The following PLEKHG5 variants were observed in gnomAD, a reference collection of about 807,000 sequenced individuals.
PLEKHG5 encodes the protein pleckstrin homology domain-containing family G member 5.
PLEKHG5 carries 52 observed loss-of-function variants against 103.8 expected under a neutral mutation model. That is an observed-to-expected ratio of 0.50 (90% CI 0.40 to 0.63). The LOEUF is 0.63. Ranked by LOEUF, PLEKHG5 falls within the 30% of genes least tolerant of loss-of-function variation. The pLI, the probability that PLEKHG5 is intolerant of heterozygous loss-of-function variation, is 0.00. For missense variants in PLEKHG5, 1,205 were observed against 1,347.6 expected (o/e 0.89, Z 1.66); for synonymous variants, 592 against 575.5 (o/e 1.03, Z -0.41).
chr1:6,516,774 T>C (rs1638627277), intron 1 of PLEKHG5, among the ~76,000 whole-genome samples: 1 of 130,394 alleles, frequency 7.7e-6, no homozygotes, highest in African/African-American at 2.9e-5. Flanking sequence ...TGTGTATATA[T>C]ATGTGTGTGT....
In PLEKHG5 at chr1:6,477,383, T is replaced by C; in HGVS notation, c.43+146A>G. ...GGACTTTCTCTCTTGCTAAAAAACA[T>C]TTGGAACAAAAGGAACCGTAACATA... is the stretch of plus-strand genomic sequence containing the variant. On this transcript the variant is annotated intron_variant, in intron 2 of 20. Coordinates refer to ENST00000377728, the MANE Select transcript of PLEKHG5 (RefSeq NM_020631.6). 3.4e-6 allele frequency: 3 copies of C among 872,926 alleles called. No individual in the cohort carries two copies. The South Asian group carries it at 4.5e-5, about 13-fold the overall frequency. The allele number at this position is 872,926 out of a possible 1,614,324, so 54.1% of individuals were successfully genotyped here.
rs1319209194 is a variant in PLEKHG5, at chr1:6,470,360, G to A, written c.1681-5C>T. 1.2e-6 allele frequency: 2 copies of A among 1,613,884 alleles called. No individual in the cohort carries two copies. Among genetic ancestry groups the A allele is most frequent in the East Asian group, 2.2e-5 (1 of 44,890 alleles). On this transcript the variant is annotated splice_polypyrimidine_tract_variant and splice_region_variant and intron_variant, in intron 15 of 20. Coordinates refer to ENST00000377728, the MANE Select transcript of PLEKHG5 (RefSeq NM_020631.6). ...GTGCAGAAATTCCTTCAGGAGCTGG[G>A]GACGGATGGCGTGAACGTAGGGGAG...
intron 1 of PLEKHG5, among the ~76,000 whole-genome samples, chr1:6,484,720 C>T (rs918135062): frequency 4.6e-5 from 7 of 152,284 alleles, no homozygotes; most frequent in Non-Finnish European, 7.4e-5. Flanking sequence ...TGCCTGCCCA[C>T]CATGTCCTGC....
rs1430911880 is a variant in PLEKHG5 at position 6,474,463 on chromosome 1, G to A, written c.427C>T (p.Leu143Phe). The A allele has an allele frequency of 1.2e-6, 2 of 1,613,912 alleles. No homozygotes were observed. Among genetic ancestry groups the A allele is most frequent in the Non-Finnish European group, 1.7e-6 (2 of 1,180,014 alleles). ...GGCTGCTTCTCACCTTTGACACGAAGGTAGTGTCCCCCGAACCTGTAGGCC... is the reference window on the plus strand; with the variant it reads ...GGCTGCTTCTCACCTTTGACACGAAAGTAGTGTCCCCCGAACCTGTAGGCC... The part of the protein sequence containing the change: ...FEAYRFGGHY[L>F]RVKAPAKPGD... Residue 143 changes from leucine to phenylalanine, a missense_variant, in exon 6 of 21, where the codon CTT becomes TTT. Coordinates refer to ENST00000377728, the MANE Select transcript of PLEKHG5 (RefSeq NM_020631.6).
chr1:6,506,449 C>T (rs1042175584), intron 1 of PLEKHG5, among the ~76,000 whole-genome samples: 19 of 152,232 alleles, frequency 1.2e-4, no homozygotes, highest in Non-Finnish European at 2.6e-4. Flanking sequence ...ACCGAGGAGA[C>T]GGGCTGGCCG....
chr1:6,477,510 G>A lies in PLEKHG5; in HGVS notation c.43+19C>T, dbSNP rs202243445. ...ACAGGAGCTCTGGGGGCCGAGCTGC[G>A]GCTCCCGCCTGTGCTCACCTTGTGG... On this transcript the variant is annotated intron_variant, in intron 2 of 20. Coordinates refer to ENST00000377728, the MANE Select transcript of PLEKHG5 (RefSeq NM_020631.6). The A allele has an allele frequency of 4.4e-6, 7 of 1,600,790 alleles. No individual in the cohort carries two copies. The highest frequency in any genetic ancestry group is 2.2e-5 in the South Asian group (2 of 90,984).
intron 9 of PLEKHG5, 75 bp downstream of exon 9, chr1:6,472,911 T>C: frequency 1.4e-6 from 2 of 1,411,436 alleles, no homozygotes. Context: ...CCATGGAACA[T>C]CTGATCACTG....
At chr1:6,488,250 G>A (rs1645077497) in intron 1 of PLEKHG5, among the ~76,000 whole-genome samples, 1 of 152,218 alleles carries the variant, frequency 6.6e-6, no homozygotes, top group Non-Finnish European at 1.5e-5. Flanking sequence ...AGGAGATACT[G>A]TTACAATCCC....
intron 1 of PLEKHG5, among the ~76,000 whole-genome samples, chr1:6,512,542 G>A (rs1638505752): frequency 6.6e-6 from 1 of 152,212 alleles, no homozygotes. Flanking sequence ...TCACTGCCCA[G>A]CATCTGGCCG....
chr1:6,470,627 CGCTCCACGGAGCCGATCTAGGG>C lies in PLEKHG5; in HGVS notation c.1543-6_1558del. ...GCACGCGTTCACGTGGTGGATGAAG[CGCTCCACGGAGCCGATCTAGGG>C]GCAGGTGAGGGAGCTTCAGGTCCAG... On this transcript the variant is annotated splice_acceptor_variant and splice_polypyrimidine_tract_variant and coding_sequence_variant and intron_variant, in exon 15 of 21. Coordinates refer to ENST00000377728, the MANE Select transcript of PLEKHG5 (RefSeq NM_020631.6). LOFTEE classifies it high-confidence loss of function. 1 of 1,582,638 alleles carries C rather than the reference CGCTCCACGGAGCCGATCTAGGG, an allele frequency of 6.3e-7. No individual in the cohort carries two copies. Among genetic ancestry groups the C allele is most frequent in the Non-Finnish European group, 8.5e-7 (1 of 1,170,098 alleles).
chr1:6,490,475 T>G lies in PLEKHG5; in HGVS notation c.-88+1162A>C, dbSNP rs1281054329. On this transcript the variant is annotated intron_variant, in intron 1 of 20. Transcript: ENST00000377728. The surrounding 1 kb of genome is among the most constrained non-coding windows in gnomAD (Gnocchi z 8.0). ...AACAGGACCAGGGTCTCCTCCCCGG[T>G]GTCTAAGGCTCTAAGGCTCGGGCCG... 11 of 967,118 alleles carry G rather than the reference T, an allele frequency of 1.1e-5. No homozygotes were observed. Among genetic ancestry groups the G allele is most frequent in the Non-Finnish European group, 1.2e-5 (10 of 828,712 alleles). 59.9% of individuals were successfully genotyped at this position (967,118 alleles called of 1,614,324 possible).
intron 8 of PLEKHG5, 26 bp downstream of exon 8, chr1:6,473,225 G>C (rs1168822219): frequency 6.2e-7 from 1 of 1,612,448 alleles, no homozygotes; most frequent in African/African-American, 1.3e-5. Flanking sequence ...CCAGCTGCCT[G>C]ACCCTGGGCA....
At position 6,505,382 on chromosome 1, in the gene PLEKHG5, C is replaced by T. The variant is rs1263333497; in HGVS notation, c.-164-8813G>A. On this transcript the variant is annotated intron_variant, in intron 1 of 21. Transcript: ENST00000377740. This position sits in a 1 kb window ranked among gnomAD's most constrained non-coding sequence, Gnocchi z 4.2. ...CACAGGTGCGCCCTGCCTCTGCCACCGCTGTTTGAAGCTCCCTGTGTGTCA... is the reference window on the plus strand; with the variant it reads ...CACAGGTGCGCCCTGCCTCTGCCACTGCTGTTTGAAGCTCCCTGTGTGTCA... Among the ~76,000 whole-genome samples the T allele has an allele frequency of 5.9e-5, 9 of 152,104 alleles. 1 individual carries two copies. In the South Asian group the frequency reaches 1.0e-3, roughly 17 times the overall value.
chr1:6,497,631 G>C (rs1025225642), upstream of PLEKHG5, among the ~76,000 whole-genome samples: 1 of 152,098 alleles, frequency 6.6e-6, no homozygotes, highest in Non-Finnish European at 1.5e-5. This position sits in a 1 kb window ranked among gnomAD's most constrained non-coding sequence, Gnocchi z 6.1. Flanking sequence ...AAGCGCGCAC[G>C]GCTCTGTCCT....
In PLEKHG5 at chr1:6,505,076, G is replaced by A. The variant is rs529643383; in HGVS notation, c.-164-8507C>T. On this transcript the variant is annotated intron_variant, in intron 1 of 21. Transcript: ENST00000377740. This position sits in a 1 kb window ranked among gnomAD's most constrained non-coding sequence, Gnocchi z 4.2. ...CTGGGGGAGGCCAGCTCCTGGGCCC[G>A]AGGATGAGGCTAATGGAGAAGAGAA... 1.8e-4 allele frequency among the ~76,000 whole-genome samples: 28 copies of A among 152,278 alleles called. No homozygotes were observed. The highest frequency in any genetic ancestry group is 3.3e-4 in the Admixed American group (5 of 15,298).
At chr1:6,496,505 C>T (rs375989109), upstream of PLEKHG5, 48 of 1,603,604 alleles carry the variant, frequency 3.0e-5, no homozygotes, top group Middle Eastern at 2.2e-4. Context: ...TGGCCGCCCG[C>T]CCCTTGTCCA....
chr1:6,496,629 C>G (rs769673103), upstream of PLEKHG5: 1 of 1,283,672 alleles, frequency 7.8e-7, no homozygotes, highest in Non-Finnish European at 1.1e-6. Flanking sequence ...CTGGGCCCCA[C>G]TGGCCTCCCA....
At chr1:6,515,396 G>A (rs1267597672) in intron 1 of PLEKHG5, among the ~76,000 whole-genome samples, 3 of 151,928 alleles carry the variant, frequency 2.0e-5, no homozygotes, top group Non-Finnish European at 4.4e-5. Flanking sequence ...GTGTGGTGGC[G>A]GGCGCCTGTA....
chr1:6,506,963 C>T (rs920152315), intron 1 of PLEKHG5, among the ~76,000 whole-genome samples: 1 of 152,236 alleles, frequency 6.6e-6, no homozygotes, highest in African/African-American at 2.4e-5. Flanking sequence ...CTCATTGCTC[C>T]CGAGCGGCGG....
Sources: allele counts gnomAD v4.1 joint callset (sites outside exome capture counted in the v4.1 genomes callset), GRCh38; gene constraint gnomAD v4.1.1; non-coding constraint Gnocchi (gnomAD v3.1); transcripts MANE v1.5; gene names NCBI Gene and HGNC (gene_info 2026-07-23, HGNC 2026-07-21).